The following GLIS3 variants were observed in gnomAD, a reference collection of about 807,000 sequenced individuals.
GLIS3 encodes the protein zinc finger protein GLIS3.
GLIS3 carries 53 observed loss-of-function variants against 78.6 expected under a neutral mutation model. That is an observed-to-expected ratio of 0.67 (90% confidence interval 0.54 to 0.85). The LOEUF (loss-of-function observed/expected upper bound fraction) is 0.85, where lower values mean the gene tolerates loss of function less well. Among genes scored for constraint, GLIS3 ranks in the 40% least tolerant of loss-of-function variants. The pLI is 0.00. For missense variants in GLIS3, 1,703 were observed against 1,231.1 expected, an observed-to-expected ratio of 1.38 and a Z score of -5.74; for synonymous variants, 684 against 509.9, an observed-to-expected ratio of 1.34 and a Z score of -4.60.
chr9:3,839,128 T>A (rs1354015204), intron 9 of GLIS3, among the ~76,000 whole-genome samples: 1 of 152,186 alleles, frequency 6.6e-6, no homozygotes, highest in African/African-American at 2.4e-5. Context: ...TGTAAGCAGG[T>A]ACTTCAAACA....
chr9:3,889,178 A>G (rs1822265212), intron 7 of GLIS3, among the ~76,000 whole-genome samples: 1 of 152,190 alleles, frequency 6.6e-6, no homozygotes, highest in Non-Finnish European at 1.5e-5. Flanking sequence ...CCTCATAACT[A>G]GAATGGAGCC....
intron 4 of GLIS3, among the ~76,000 whole-genome samples, chr9:3,989,363 C>A (rs553108925): frequency 6.6e-6 from 1 of 152,246 alleles, no homozygotes; most frequent in South Asian, 2.1e-4. Context: ...CATAAAATTA[C>A]CATATGACCC....
intron 2 of GLIS3, among the ~76,000 whole-genome samples, chr9:4,216,411 C>T (rs1025780571): frequency 7.4e-6 from 1 of 135,874 alleles, no homozygotes; most frequent in East Asian, 2.0e-4. Context: ...GTGAGAAAGG[C>T]GGAGCTTGCA....
At chr9:3,928,145 C>G (rs1825376241) in intron 6 of GLIS3, among the ~76,000 whole-genome samples, 1 of 152,224 alleles carries the variant, frequency 6.6e-6, no homozygotes, top group Non-Finnish European at 1.5e-5. Flanking sequence ...AACAGCATCA[C>G]TCTCCGTCAC....
the GLIS3 span, among the ~76,000 whole-genome samples, chr9:4,459,113 A>G: frequency 6.6e-6 from 1 of 152,222 alleles, no homozygotes; most frequent in African/African-American, 2.4e-5. Context: ...TGCCATGTGT[A>G]GGGGGCAAGA....
chr9:4,109,725 G>T (rs1831057192), intron 4 of GLIS3, among the ~76,000 whole-genome samples: 1 of 152,136 alleles, frequency 6.6e-6, no homozygotes, highest in African/African-American at 2.4e-5. Context: ...GGTAGTGTAA[G>T]TCCTTCATGA....
At chr9:4,222,893 C>A (rs1821453095) in intron 2 of GLIS3, among the ~76,000 whole-genome samples, 1 of 152,200 alleles carries the variant, frequency 6.6e-6, no homozygotes, top group African/African-American at 2.4e-5. Flanking sequence ...CGAAGCTGCA[C>A]TGAGCAGAGG....
At chr9:4,302,722 G>A (rs1817122592), upstream of GLIS3, among the ~76,000 whole-genome samples, 2 of 152,210 alleles carry the variant, frequency 1.3e-5, no homozygotes, top group South Asian at 4.1e-4. Flanking sequence ...CTGTACTACA[G>A]AATAATTGTG....
intron 4 of GLIS3, among the ~76,000 whole-genome samples, chr9:3,962,335 G>C (rs1817623263): frequency 6.6e-6 from 1 of 152,114 alleles, no homozygotes; most frequent in Non-Finnish European, 1.5e-5. Context: ...CTGCAACTAA[G>C]TTTTCTTGGT....
At chr9:3,831,617 A>G (rs1462252192) in intron 9 of GLIS3, among the ~76,000 whole-genome samples, 2 of 152,238 alleles carry the variant, frequency 1.3e-5, no homozygotes, top group African/African-American at 4.8e-5. Context: ...TACACTTCTG[A>G]TAAAGTATCC....
At chr9:4,095,642 A>T (rs1257949954) in intron 4 of GLIS3, among the ~76,000 whole-genome samples, 1 of 152,132 alleles carries the variant, frequency 6.6e-6, no homozygotes, top group East Asian at 1.9e-4. Context: ...ACAAGACAAC[A>T]CTACTCATCC....
At chr9:4,254,069 G>A (rs1039190927) in intron 2 of GLIS3, among the ~76,000 whole-genome samples, 1 of 152,172 alleles carries the variant, frequency 6.6e-6, no homozygotes, top group Non-Finnish European at 1.5e-5. Context: ...GCCACCTCGA[G>A]GAAGAGAATT....
rs541006223 is a variant in GLIS3 at position 3,925,387 on chromosome 9, G to A, written c.1983+6973C>T. 5.3e-5 allele frequency among the ~76,000 whole-genome samples: 8 copies of A among 152,210 alleles called. No homozygotes were observed. In the East Asian group the frequency reaches 7.7e-4, roughly 15 times the overall value. The stretch of plus-strand genomic sequence containing the variant: ...AATCCTCAGAGCTGGCATGGGCCTC[G>A]CCTGTACTGAGTACAGCAGGTCCTG... On this transcript the variant is annotated intron_variant, in intron 6 of 10. Transcript: ENST00000381971.
chr9:4,297,473 G>C lies in GLIS3; in HGVS notation c.-99+1948C>G, dbSNP rs188607142. On this transcript the variant is annotated intron_variant, in intron 1 of 10. Coordinates refer to ENST00000381971, the MANE Select transcript of GLIS3 (RefSeq NM_001042413.2). ...CATACTAAAGGGACCTGGTCCACTG[G>C]GGGGAGCTGCAGAACTTCCCTCTTC... Among the ~76,000 whole-genome samples the C allele has an allele frequency of 7.9e-5, 12 of 152,248 alleles. No homozygotes were observed. The South Asian group carries it at 1.0e-3, about 13-fold the overall frequency.
intron 4 of GLIS3, among the ~76,000 whole-genome samples, chr9:4,048,437 G>A (rs557582225): frequency 6.6e-6 from 1 of 152,152 alleles, no homozygotes; most frequent in African/African-American, 2.4e-5. Flanking sequence ...CTATCATATA[G>A]CCATGCCATG....
At chr9:4,397,691 AGGGAGGGAGGGAGGAAGGCAGGGAGGG>A in the GLIS3 span, among the ~76,000 whole-genome samples, 1 of 3,772 alleles carries the variant, frequency 2.7e-4, no homozygotes, top group African/African-American at 3.8e-4. Context: ...GGAGGGAGGG[AGGGAGGGAGGGAGGAAGGCAGGGAGGG>A]AGGGAGGGAG....
chr9:3,909,815 T>G (rs1232873347), intron 6 of GLIS3, among the ~76,000 whole-genome samples: 1 of 152,218 alleles, frequency 6.6e-6, no homozygotes. Flanking sequence ...CACTATCCAG[T>G]TGAAATTTCT....
the GLIS3 span, among the ~76,000 whole-genome samples, chr9:4,393,579 C>A: frequency 6.6e-6 from 1 of 152,120 alleles, no homozygotes; most frequent in Admixed American, 6.6e-5. Context: ...TAGTCTGGAA[C>A]AGTTTCTCAG....
chr9:4,142,400 G>C (rs538418415), intron 2 of GLIS3, among the ~76,000 whole-genome samples: 1 of 152,236 alleles, frequency 6.6e-6, no homozygotes, highest in Non-Finnish European at 1.5e-5. Flanking sequence ...ATGAGAAGGA[G>C]AGAAACAAAA....
Sources: allele counts gnomAD v4.1 joint callset (sites outside exome capture counted in the v4.1 genomes callset), GRCh38; gene constraint gnomAD v4.1.1; transcripts MANE v1.5; gene names NCBI Gene and HGNC (gene_info 2026-07-23, HGNC 2026-07-21).